Variants in NALCN observed in about 807,000 individuals in gnomAD.
The protein encoded by NALCN is sodium leak channel NALCN.
In NALCN, 111 loss-of-function variants were observed where a neutral mutation model predicts 225.3. The observed-to-expected ratio is 0.49, with a 90% CI of 0.42 to 0.58. The LOEUF (loss-of-function observed/expected upper bound fraction) is 0.58. Among genes scored for constraint, NALCN ranks in the 20% least tolerant of loss-of-function variants. The probability of loss-of-function intolerance (pLI) is 0.00; values close to 1 mark genes in which losing one functional copy is unlikely to be tolerated. For synonymous variants in NALCN, 764 were observed against 769.0 expected (o/e 0.99, Z 0.11); for missense variants, 1,378 against 2,202.4 (o/e 0.63, Z 7.49).
At chr13:101,058,423 G>GTTTTA in intron 42 of NALCN, 1 of 190,530 alleles carries the variant, frequency 5.2e-6, no homozygotes, top group South Asian at 1.0e-4. Context: ...GGGCTGGGCG[G>GTTTTA]GGGCAGTCTA....
chr13:101,084,858 T>C (rs2033853303), intron 30 of NALCN, among the ~76,000 whole-genome samples: 1 of 152,196 alleles, frequency 6.6e-6, no homozygotes, highest in African/African-American at 2.4e-5. Flanking sequence ...TTAAGCATCT[T>C]TACATTTACC....
intron 22 of NALCN, among the ~76,000 whole-genome samples, chr13:101,106,174 GTA>G (rs2139623289): frequency 6.6e-6 from 1 of 152,206 alleles, no homozygotes; most frequent in South Asian, 2.1e-4. Flanking sequence ...TCTTCTCTCT[GTA>G]TATGTCTGTG....
At chr13:101,248,136 T>A (rs1402399067) in intron 11 of NALCN, among the ~76,000 whole-genome samples, 1 of 152,180 alleles carries the variant, frequency 6.6e-6, no homozygotes, top group Non-Finnish European at 1.5e-5. Context: ...TATGCATGCA[T>A]GTATCTTTAT....
chr13:101,157,103 T>C (rs1321138897), intron 15 of NALCN, among the ~76,000 whole-genome samples: 1 of 152,160 alleles, frequency 6.6e-6, no homozygotes, highest in East Asian at 1.9e-4. Context: ...CTAACAAAAT[T>C]AGTATATTGT....
chr13:101,331,993 C>T (rs1446549421), intron 7 of NALCN, among the ~76,000 whole-genome samples: 1 of 152,130 alleles, frequency 6.6e-6, no homozygotes, highest in Admixed American at 6.5e-5. Flanking sequence ...GTTAAATCCT[C>T]CTTGGTTGTG....
At chr13:101,374,678 C>G (rs765115695) in intron 6 of NALCN, among the ~76,000 whole-genome samples, 1 of 152,066 alleles carries the variant, frequency 6.6e-6, no homozygotes, top group Non-Finnish European at 1.5e-5. Flanking sequence ...TTATGCTTTA[C>G]TGTTTAACAT....
intron 6 of NALCN, among the ~76,000 whole-genome samples, chr13:101,374,939 A>T (rs1388610720): frequency 6.6e-6 from 1 of 152,154 alleles, no homozygotes; most frequent in African/African-American, 2.4e-5. Context: ...TCAATTATTA[A>T]ATTTATTTCT....
In NALCN at chr13:101,269,373, C is replaced by T. The variant is rs544324535; in HGVS notation, c.1135-10799G>A. Among the ~76,000 whole-genome samples the T allele has an allele frequency of 2.1e-3, 313 of 152,212 alleles. 2 individuals are homozygous for T. Among genetic ancestry groups the T allele is most frequent in the African/African-American group, 6.4e-3 (265 of 41,540 alleles). On this transcript the variant is annotated intron_variant, in intron 10 of 43. Transcript: ENST00000251127. ...TTGGCCATGGAGCATCTTCTGCCTC[C>T]TTCTGAGGAAAGTAGCCTCGGGGGT...
intron 15 of NALCN, among the ~76,000 whole-genome samples, chr13:101,171,207 AAAAAATAT>A (rs1342022753): frequency 2.0e-5 from 3 of 150,548 alleles, no homozygotes; most frequent in Non-Finnish European, 1.5e-5. Flanking sequence ...TACTAAATAT[AAAAAATAT>A]AATTTTTATA....
intron 10 of NALCN, among the ~76,000 whole-genome samples, chr13:101,260,240 C>T (rs140154764): frequency 8.5e-5 from 13 of 152,250 alleles, no homozygotes; most frequent in African/African-American, 2.6e-4. Context: ...TGCTCCATTA[C>T]GCATATGTAC....
At chr13:101,143,947 C>T (rs940764169) in intron 16 of NALCN, among the ~76,000 whole-genome samples, 4 of 152,126 alleles carry the variant, frequency 2.6e-5, no homozygotes, top group African/African-American at 7.2e-5. Flanking sequence ...ATTCAAGTAA[C>T]GTCTCTTCAA....
At chr13:101,412,453 C>T (rs1414302) in intron 1 of NALCN, among the ~76,000 whole-genome samples, 12,446 of 152,188 alleles carry the variant, frequency 0.082, 1,691 homozygotes, top group African/African-American at 0.28. Context: ...CTGCGGAGGC[C>T]TACCCCTGCC....
At chr13:101,330,337 A>G (rs2045119630) in intron 7 of NALCN, among the ~76,000 whole-genome samples, 1 of 152,126 alleles carries the variant, frequency 6.6e-6, no homozygotes, top group Non-Finnish European at 1.5e-5. Flanking sequence ...CTTGGAGTCA[A>G]TATAAATCTT....
chr13:101,120,769 C>T (rs1313420981), intron 18 of NALCN, among the ~76,000 whole-genome samples: 1 of 152,156 alleles, frequency 6.6e-6, no homozygotes, highest in African/African-American at 2.4e-5. Context: ...GGGGAAAGAA[C>T]ATGGAAAGCA....
chr13:101,147,735 C>T (rs2037425161), intron 15 of NALCN, among the ~76,000 whole-genome samples: 3 of 152,054 alleles, frequency 2.0e-5, no homozygotes, highest in South Asian at 4.2e-4. Flanking sequence ...GGCTCAGAGG[C>T]CTTTTTTTGG....
intron 13 of NALCN, among the ~76,000 whole-genome samples, chr13:101,201,720 A>T (rs2040129418): frequency 6.6e-6 from 1 of 152,134 alleles, no homozygotes; most frequent in South Asian, 2.1e-4. Flanking sequence ...AAATATATAC[A>T]CTAAAAATGT....
intron 7 of NALCN, among the ~76,000 whole-genome samples, chr13:101,297,808 A>G (rs1197212765): frequency 2.0e-5 from 3 of 152,192 alleles, no homozygotes; most frequent in Admixed American, 2.0e-4. Flanking sequence ...CTGGGAATAG[A>G]CTTTCATCTG....
rs143517594 is a variant in NALCN at position 101,262,211 on chromosome 13, T to TTA, written c.1135-3638_1135-3637insTA. ...AGGGATAAATCCGACTTGGTCATAA[T>TTA]CCACATTATTCAAATGTTATTTGTT... On this transcript the variant is annotated intron_variant, in intron 10 of 43. Coordinates refer to ENST00000251127, the MANE Select transcript of NALCN (RefSeq NM_052867.4). Among the ~76,000 whole-genome samples, 122 of 152,340 alleles carry TTA rather than the reference T, an allele frequency of 8.0e-4. No homozygotes were observed. In the East Asian group the frequency reaches 0.021, roughly 26 times the overall value.
intron 13 of NALCN, among the ~76,000 whole-genome samples, chr13:101,199,143 G>A (rs186725802): frequency 3.2e-4 from 49 of 151,768 alleles, no homozygotes; most frequent in Non-Finnish European, 5.7e-4. Context: ...CTGTTGTGGG[G>A]TGGGGGGAGG....
Sources: gnomAD v4.1 joint callset for allele counts (sites outside exome capture counted in the v4.1 genomes callset) on GRCh38, gnomAD v4.1.1 for gene constraint, MANE v1.5 for transcripts, NCBI Gene and HGNC (gene_info 2026-07-23, HGNC 2026-07-21) for gene names.